SLCO4C1: variants seen among roughly 807,000 people sequenced by gnomAD.
SLCO4C1 encodes the protein solute carrier organic anion transporter family member 4C1, also known as organic anion transporter M1.
SLCO4C1 carries 58 observed loss-of-function variants against 72.1 expected under a neutral mutation model. The observed-to-expected ratio is 0.80, with a 90% CI of 0.65 to 1.00. SLCO4C1 has a LOEUF of 1.00. SLCO4C1 is among the 50% of genes least tolerant of loss of function. The pLI is 0.00. For synonymous variants in SLCO4C1, 297 were observed against 312.5 expected (o/e 0.95, Z 0.52); for missense variants, 898 against 857.9 (o/e 1.05, Z -0.58).
rs1004685981 is a variant in SLCO4C1 at position 102,268,372 on chromosome 5, T to A, written c.802+2252A>T. ...AAAATGATATTCTTTGTCTCTTTCT[T>A]GTATTTTTTGACTTAGACTATTTTG... On this transcript the variant is annotated intron_variant, in intron 3 of 12. Transcript: ENST00000310954. Among the ~76,000 whole-genome samples the A allele has an allele frequency of 3.3e-5, 5 of 152,182 alleles. No homozygotes were observed. The East Asian group carries it at 9.6e-4, about 29-fold the overall frequency.
chr5:102,296,127 G>A lies in SLCO4C1; in HGVS notation c.136C>T (p.Pro46Ser). 6.2e-7 allele frequency: 1 copy of A among 1,614,194 alleles called. No individual in the cohort carries two copies. The highest frequency in any genetic ancestry group is 8.5e-7 in the Non-Finnish European group (1 of 1,180,002). ...TCCTGGGGCTTCTGAAGCTCCTGTG[G>A]CTGAGAATTCTCTCTTTGGGGGTCA... is the stretch of plus-strand genomic sequence containing the variant. ...SSDPQRENSQPQELQKPQEPQ... is the reference protein window; with the variant it reads ...SSDPQRENSQSQELQKPQEPQ... Residue 46 changes from proline to serine, a missense_variant, in exon 1 of 13, where the codon CCA becomes TCA. Transcript: ENST00000310954.
In SLCO4C1 at chr5:102,296,139, C is replaced by A; in HGVS notation, c.124G>T (p.Glu42Ter). 6.2e-7 allele frequency: 1 copy of A among 1,614,116 alleles called. No homozygotes were observed. The highest frequency in any genetic ancestry group is 1.1e-5 in the South Asian group (1 of 91,080). ...TGAAGCTCCTGTGGCTGAGAATTCT[C>A]TCTTTGGGGGTCAGAGGACAAGGCA... ...VSALSSDPQR[E>*]NSQPQELQKP... The change falls in exon 1 of 13, where the codon GAG (glutamate) becomes TAG (stop). Residue 42 changes from glutamate (E) to a stop codon, truncating the protein, a stop_gained. Transcript: ENST00000310954. LOFTEE classifies it high-confidence loss of function.
chr5:102,249,874 G>C, intron 8 of SLCO4C1, 86 bp from the exon 9 acceptor site: 1 of 1,337,634 alleles, frequency 7.5e-7, no homozygotes, highest in East Asian at 2.3e-5. Flanking sequence ...CTTACCATTA[G>C]GTCATTTATT....
At chr5:102,237,400 C>T (rs1212893726) in intron 12 of SLCO4C1, among the ~76,000 whole-genome samples, 1 of 151,530 alleles carries the variant, frequency 6.6e-6, no homozygotes, top group Non-Finnish European at 1.5e-5. Flanking sequence ...TCCAAGAGTT[C>T]GAGACCAGGC....
Position 102,295,999 on chromosome 5 carries a change from G to GT in SLCO4C1, c.263dup (p.Tyr88Ter). 6.2e-7 allele frequency: 1 copy of GT among 1,614,202 alleles called. No homozygotes were observed. Among genetic ancestry groups the GT allele is most frequent in the Non-Finnish European group, 8.5e-7 (1 of 1,180,036 alleles). Reference protein sequence around the residue: ...LSLSEFEEGSYGWRNFHPQCL... With the variant: ...LSLSEFEEGS The stretch of plus-strand genomic sequence containing the variant: ...ATTGAGGATGGAAGTTCCTCCAGCC[G>GT]TAAGACCCCTCCTCAAACTCGGACA... The change falls in exon 1 of 13, where the codon TAC becomes TAAC. Residue 88 changes from tyrosine (Y) to a stop codon, truncating the protein, a stop_gained and frameshift_variant. Transcript: ENST00000310954. LOFTEE classifies it high-confidence loss of function.
intron 2 of SLCO4C1, among the ~76,000 whole-genome samples, chr5:102,287,193 T>C (rs1321728987): frequency 6.6e-6 from 1 of 152,168 alleles, no homozygotes; most frequent in Non-Finnish European, 1.5e-5. Flanking sequence ...TGTTTTCTTT[T>C]TGCAGTTTCC....
At chr5:102,255,927 C>T (rs188827935) in intron 8 of SLCO4C1, among the ~76,000 whole-genome samples, 1 of 151,876 alleles carries the variant, frequency 6.6e-6, no homozygotes, top group Non-Finnish European at 1.5e-5. Context: ...GGAGCTTGGC[C>T]GGGCGCGGTG....
Position 102,295,930 on chromosome 5 carries a change from G to T in SLCO4C1, c.333C>A (p.Tyr111Ter). Reference protein sequence around the residue: ...CNTPGGFLLHYCLLAVTQGIV... With the variant: ...CNTPGGFLLH ...TACCTTGCGTGACGGCCAAGAGGCAGTAGTGAAGCAGAAAGCCTCCAGGTG... is the reference window on the plus strand; with the variant it reads ...TACCTTGCGTGACGGCCAAGAGGCATTAGTGAAGCAGAAAGCCTCCAGGTG... The change falls in exon 1 of 13, where the codon TAC becomes TAA. Residue 111 changes from tyrosine (Y) to a stop codon, truncating the protein, a stop_gained. Transcript: ENST00000310954. LOFTEE classifies it high-confidence loss of function. 6.2e-7 allele frequency: 1 copy of T among 1,614,056 alleles called. No homozygotes were observed. The highest frequency in any genetic ancestry group is 8.5e-7 in the Non-Finnish European group (1 of 1,179,906).
intron 7 of SLCO4C1, 32 bp downstream of exon 7, chr5:102,257,911 A>G (rs1048321892): frequency 6.4e-7 from 1 of 1,574,794 alleles, no homozygotes; most frequent in Non-Finnish European, 8.6e-7. Context: ...GTAAAGTAAA[A>G]TTTTTAGGTT....
chr5:102,257,537 C>CCT (rs1247891094), intron 7 of SLCO4C1, among the ~76,000 whole-genome samples: 1 of 151,840 alleles, frequency 6.6e-6, no homozygotes, highest in East Asian at 1.9e-4. Flanking sequence ...GGAATTTTAG[C>CCT]CTTTGTCTTT....
intron 1 of SLCO4C1, 36 bp from the exon 2 acceptor site, chr5:102,291,642 T>C: frequency 1.3e-6 from 2 of 1,527,068 alleles, no homozygotes; most frequent in Non-Finnish European, 1.8e-6. Flanking sequence ...ATCATTAATA[T>C]TTTACCATAC....
intron 6 of SLCO4C1, 102 bp downstream of exon 6, chr5:102,260,111 T>C: frequency 3.6e-6 from 1 of 275,120 alleles, no homozygotes; most frequent in East Asian, 7.5e-5. Flanking sequence ...TGTGTATATA[T>C]AATATATAAA....
chr5:102,272,153 T>A (rs1377965248), intron 2 of SLCO4C1, among the ~76,000 whole-genome samples: 1 of 152,140 alleles, frequency 6.6e-6, no homozygotes, highest in African/African-American at 2.4e-5. Flanking sequence ...ATATGTAATA[T>A]CTTTTAGTGG....
At chr5:102,261,196 T>C (rs1748935704) in intron 5 of SLCO4C1, among the ~76,000 whole-genome samples, 1 of 152,162 alleles carries the variant, frequency 6.6e-6, no homozygotes, top group Non-Finnish European at 1.5e-5. Context: ...ACAGATCACC[T>C]GAGGTCAGGA....
At chr5:102,257,348 A>G in intron 7 of SLCO4C1, 38 bp from the exon 8 acceptor site, 1 of 1,492,780 alleles carries the variant, frequency 6.7e-7, no homozygotes, top group Admixed American at 2.3e-5. Context: ...GAGAAACCAT[A>G]CACATATACT....
Position 102,270,597 on chromosome 5 carries a change from C to T in SLCO4C1, c.802+27G>A, listed in dbSNP as rs758321007. 1.2e-5 allele frequency: 19 copies of T among 1,560,498 alleles called. No individual in the cohort carries two copies. The East Asian group carries it at 3.2e-4, about 26-fold the overall frequency. ...GAACAAATAATAAGATAAAGTGATA[C>T]TGAGACAGTTTAGAGAGTAAACTTA... On this transcript the variant is annotated intron_variant, in intron 3 of 12. Coordinates refer to ENST00000310954, the MANE Select transcript of SLCO4C1 (RefSeq NM_180991.5).
intron 5 of SLCO4C1, 21 bp from the exon 6 acceptor site, chr5:102,260,340 TATA>T: frequency 3.1e-6 from 1 of 327,258 alleles, no homozygotes; most frequent in Non-Finnish European, 4.9e-6. Flanking sequence ...AATATATATA[TATA>T]TATAATATAT....
intron 2 of SLCO4C1, among the ~76,000 whole-genome samples, chr5:102,287,280 T>A (rs1026856052): frequency 1.3e-5 from 2 of 152,010 alleles, no homozygotes; most frequent in Non-Finnish European, 2.9e-5. Context: ...TTCCCATACT[T>A]GCAAAAGTAG....
At chr5:102,261,665 T>C (rs1164699518) in intron 5 of SLCO4C1, among the ~76,000 whole-genome samples, 1 of 151,922 alleles carries the variant, frequency 6.6e-6, no homozygotes, top group African/African-American at 2.4e-5. Flanking sequence ...AAGAAACAAA[T>C]TTATTAAGTA....
Sources: gnomAD v4.1 joint callset for allele counts (sites outside exome capture counted in the v4.1 genomes callset) on GRCh38, gnomAD v4.1.1 for gene constraint, MANE v1.5 for transcripts, NCBI Gene and HGNC (gene_info 2026-07-23, HGNC 2026-07-21) for gene names.